PPP1R9A: variants seen among roughly 807,000 people sequenced by gnomAD.
The protein encoded by PPP1R9A is neurabin-1.
In PPP1R9A, 59 loss-of-function variants were observed where a neutral mutation model predicts 141.9. The ratio of observed to expected loss-of-function variants is 0.42; its 90% CI spans 0.34 to 0.52. PPP1R9A has a LOEUF of 0.52. Ranked by LOEUF, PPP1R9A falls within the 20% of genes least tolerant of loss-of-function variation. The pLI is 0.10. For missense variants in PPP1R9A, 1,444 were observed against 1,611.9 expected (o/e 0.90, Z 1.78); for synonymous variants, 500 against 569.7 (o/e 0.88, Z 1.74).
chr7:95,020,389 A>T (rs1805768179), intron 2 of PPP1R9A, among the ~76,000 whole-genome samples: 1 of 152,168 alleles, frequency 6.6e-6, no homozygotes, highest in African/African-American at 2.4e-5. Flanking sequence ...TAAATATTTT[A>T]TTATTTTTTA....
chr7:95,115,774 C>T (rs922162948), intron 3 of PPP1R9A, among the ~76,000 whole-genome samples: 27 of 151,240 alleles, frequency 1.8e-4, no homozygotes, highest in African/African-American at 4.4e-4. Flanking sequence ...AAAATTAGCC[C>T]GGCGTGGTGG....
chr7:95,238,066 A>G (rs1422570787), intron 8 of PPP1R9A, among the ~76,000 whole-genome samples: 1 of 152,206 alleles, frequency 6.6e-6, no homozygotes, highest in African/African-American at 2.4e-5. Context: ...TATATAAAGC[A>G]GATCAATATC....
At chr7:95,060,635 C>T (rs931658034) in intron 2 of PPP1R9A, among the ~76,000 whole-genome samples, 1 of 152,090 alleles carries the variant, frequency 6.6e-6, no homozygotes, top group African/African-American at 2.4e-5. Context: ...AAACTTTCCC[C>T]CATAAGTTAC....
At chr7:95,120,595 T>C (rs1013464972) in intron 3 of PPP1R9A, 117 bp from the exon 4 acceptor site, 3 of 1,140,896 alleles carry the variant, frequency 2.6e-6, no homozygotes, top group Non-Finnish European at 3.7e-6. Flanking sequence ...AAGCATGTTA[T>C]TGTCCTATCC....
In PPP1R9A at chr7:94,911,120, T is replaced by C. The variant is rs541020724; in HGVS notation, c.1007T>C (p.Ile336Thr). 6.2e-7 allele frequency: 1 copy of C among 1,614,086 alleles called. No individual in the cohort carries two copies. The highest frequency in any genetic ancestry group is 1.3e-5 in the African/African-American group (1 of 74,988). Residue 336 changes from isoleucine to threonine, a missense_variant, in exon 2 of 20, where the codon ATC (isoleucine) becomes ACC (threonine). Ile to Thr is a moderately conservative substitution (Grantham distance 89). Transcript: ENST00000433360. ...AGTAAGGCAATGCCAAAGTCCGAAA[T>C]CCCTTCACCACAAAGCCAACTGTTA... Reference protein sequence around the residue: ...AESKAMPKSEIPSPQSQLLED... With the variant: ...AESKAMPKSETPSPQSQLLED...
intron 16 of PPP1R9A, among the ~76,000 whole-genome samples, chr7:95,279,255 A>T (rs780417194): frequency 1.3e-5 from 2 of 152,158 alleles, no homozygotes; most frequent in Admixed American, 6.5e-5. Flanking sequence ...TATGACAAGT[A>T]CCTGGAGGGT....
chr7:95,020,050 C>A (rs1011641381), intron 2 of PPP1R9A, among the ~76,000 whole-genome samples: 1 of 126,190 alleles, frequency 7.9e-6, no homozygotes, highest in East Asian at 2.6e-4. Context: ...TTATCATCAT[C>A]ATCATCATCA....
At chr7:95,007,511 A>G (rs1443770558) in intron 2 of PPP1R9A, among the ~76,000 whole-genome samples, 2 of 152,094 alleles carry the variant, frequency 1.3e-5, no homozygotes, top group Non-Finnish European at 2.9e-5. Context: ...TCCCATACAT[A>G]TGTCTCCTCA....
chr7:94,931,015 G>A (rs1022840951), intron 2 of PPP1R9A, among the ~76,000 whole-genome samples: 2 of 152,176 alleles, frequency 1.3e-5, no homozygotes, highest in African/African-American at 2.4e-5. Flanking sequence ...GTTGCCTTCT[G>A]TAGAATGATT....
At chr7:95,183,324 A>G (rs888153517) in intron 5 of PPP1R9A, among the ~76,000 whole-genome samples, 2 of 151,502 alleles carry the variant, frequency 1.3e-5, no homozygotes, top group Non-Finnish European at 2.9e-5. Context: ...ATTTTTAGTA[A>G]AGATGGGGTT....
chr7:95,215,038 T>C (rs530427265), intron 7 of PPP1R9A, among the ~76,000 whole-genome samples: 2 of 152,132 alleles, frequency 1.3e-5, no homozygotes, highest in Non-Finnish European at 2.9e-5. Flanking sequence ...TTGTTACATA[T>C]GTATACATGT....
At chr7:94,938,835 A>G (rs1795037944) in intron 2 of PPP1R9A, among the ~76,000 whole-genome samples, 1 of 152,190 alleles carries the variant, frequency 6.6e-6, no homozygotes, top group Admixed American at 6.6e-5. Flanking sequence ...AAACTGAAAT[A>G]TGCCATGCTG....
intron 2 of PPP1R9A, among the ~76,000 whole-genome samples, chr7:94,982,460 A>G (rs9768476): frequency 0.39 from 59,418 of 151,966 alleles, 12,460 homozygotes; most frequent in Middle Eastern, 0.51. Context: ...AAGTGTTCCC[A>G]TTTCTCCACA....
chr7:95,018,211 G>C, intron 2 of PPP1R9A: 1 of 227,278 alleles, frequency 4.4e-6, no homozygotes, highest in African/African-American at 2.3e-5. Flanking sequence ...AGATGAACAT[G>C]ATAGACAGAC....
At chr7:95,176,803 A>G (rs546686137) in intron 5 of PPP1R9A, among the ~76,000 whole-genome samples, 97 of 152,286 alleles carry the variant, frequency 6.4e-4, no homozygotes, top group African/African-American at 2.1e-3. Flanking sequence ...AATTAACCCA[A>G]TCCAACAAAG....
intron 8 of PPP1R9A, among the ~76,000 whole-genome samples, chr7:95,233,391 G>GA (rs1796246178): frequency 6.6e-6 from 1 of 151,968 alleles, no homozygotes; most frequent in Non-Finnish European, 1.5e-5. Flanking sequence ...CAAGGGGAGG[G>GA]ATAGCATTAG....
At chr7:95,074,106 A>G (rs1213571435) in intron 2 of PPP1R9A, among the ~76,000 whole-genome samples, 3 of 152,182 alleles carry the variant, frequency 2.0e-5, no homozygotes, top group African/African-American at 4.8e-5. Flanking sequence ...CAGTTTCCTC[A>G]TGCTTAGCGT....
rs1446942773 is a variant in PPP1R9A at position 94,907,624 on chromosome 7, T to G, written c.-295T>G. The G allele has an allele frequency of 6.6e-6, 1 of 151,916 alleles. No homozygotes were observed. The highest frequency in any genetic ancestry group is 2.4e-5 in the African/African-American group (1 of 41,260). The allele number at this position is 151,916 out of a possible 1,614,324, so 9.4% of individuals were successfully genotyped here. ...TCGCCCTTCCTTGGCCGCCAGAGGC[T>G]CCCTCTCTCTCCCTCTCCCGGGATT... On this transcript the variant is annotated 5_prime_UTR_variant, in exon 1 of 20. Coordinates refer to ENST00000433360, the MANE Select transcript of PPP1R9A (RefSeq NM_001166160.2).
intron 2 of PPP1R9A, among the ~76,000 whole-genome samples, chr7:95,027,178 C>A (rs1806976940): frequency 6.6e-6 from 1 of 152,072 alleles, no homozygotes; most frequent in Non-Finnish European, 1.5e-5. Flanking sequence ...AAACAGCCAC[C>A]CAGTTTTGTG....
Sources: gnomAD v4.1 joint callset for allele counts (sites outside exome capture counted in the v4.1 genomes callset) on GRCh38, gnomAD v4.1.1 for gene constraint, MANE v1.5 for transcripts, NCBI Gene and HGNC (gene_info 2026-07-23, HGNC 2026-07-21) for gene names.